NFIB: variants seen among roughly 807,000 people sequenced by gnomAD.
NFIB encodes the protein nuclear factor 1 B-type.
NFIB carries 11 observed loss-of-function variants against 61.5 expected under a neutral mutation model. That is an observed-to-expected ratio of 0.18 (90% CI 0.11 to 0.30). The LOEUF (loss-of-function observed/expected upper bound fraction) is 0.30, where lower values mean the gene tolerates loss of function less well. NFIB is among the 10% of genes least tolerant of loss of function. The pLI is 1.00. For missense variants in NFIB, 471 were observed against 608.9 expected (o/e 0.77, Z 2.38); for synonymous variants, 260 against 216.5 (o/e 1.20, Z -1.76).
the NFIB span, among the ~76,000 whole-genome samples, chr9:14,477,448 G>A: frequency 1.3e-5 from 2 of 152,230 alleles, no homozygotes; most frequent in South Asian, 2.1e-4. Flanking sequence ...CAAATAATGA[G>A]ATTGGCCTAA....
chr9:14,440,508 T>C, the NFIB span, among the ~76,000 whole-genome samples: 3 of 152,338 alleles, frequency 2.0e-5, no homozygotes, highest in Admixed American at 2.0e-4. Context: ...TTCAACCTTC[T>C]CAATGAATGT....
At chr9:14,347,641 A>C (rs529694009) in intron 1 of NFIB, among the ~76,000 whole-genome samples, 2 of 151,936 alleles carry the variant, frequency 1.3e-5, no homozygotes, top group Admixed American at 6.6e-5. Context: ...TTGAAGATCC[A>C]AGTCTCTTCG....
At chr9:14,472,701 C>T in the NFIB span, among the ~76,000 whole-genome samples, 1 of 151,874 alleles carries the variant, frequency 6.6e-6, no homozygotes, top group Non-Finnish European at 1.5e-5. Context: ...ATTAGCCGGG[C>T]GTCGTGGCGG....
chr9:14,431,772 G>T, the NFIB span, among the ~76,000 whole-genome samples: 2 of 151,986 alleles, frequency 1.3e-5, no homozygotes, highest in African/African-American at 2.4e-5. Flanking sequence ...GGCCTCTCTT[G>T]GTGAGACAGA....
At chr9:14,112,847 T>C (rs975006166) in intron 10 of NFIB, among the ~76,000 whole-genome samples, 152 bp downstream of exon 10, 1 of 152,074 alleles carries the variant, frequency 6.6e-6, no homozygotes, top group African/African-American at 2.4e-5. Flanking sequence ...AAACAAAGGA[T>C]CAATGAGAAA....
At chr9:14,369,849 C>T (rs891307251) in intron 1 of NFIB, among the ~76,000 whole-genome samples, 1 of 152,102 alleles carries the variant, frequency 6.6e-6, no homozygotes, top group Non-Finnish European at 1.5e-5. Flanking sequence ...ACTTTCAGTC[C>T]CTTCCATCAC....
chr9:14,499,456 C>T, the NFIB span, among the ~76,000 whole-genome samples: 57 of 152,104 alleles, frequency 3.7e-4, no homozygotes, highest in African/African-American at 1.3e-3. Context: ...TTAGCTTGGG[C>T]CCAGTAGGTT....
chr9:14,428,002 C>T, the NFIB span, among the ~76,000 whole-genome samples: 4 of 115,894 alleles, frequency 3.5e-5, no homozygotes, highest in East Asian at 5.9e-4. Context: ...CAGAATACAG[C>T]GGTGTGATCA....
intron 2 of NFIB, among the ~76,000 whole-genome samples, chr9:14,230,048 GC>G (rs1273369829): frequency 1.3e-5 from 2 of 152,154 alleles, no homozygotes; most frequent in African/African-American, 4.8e-5. Flanking sequence ...CAGGTGATCA[GC>G]CCGCCTTAGC....
Position 14,187,139 on chromosome 9 carries a change from T to C in NFIB, c.563-7359A>G, listed in dbSNP as rs118139138. On this transcript the variant is annotated intron_variant, in intron 2 of 10. Transcript: ENST00000380953. The stretch of plus-strand genomic sequence containing the variant: ...CTCTCTGTCTCTTTTCAATAGGGCA[T>C]TAAATTATTTGGAGTCCACTTCACT... Among the ~76,000 whole-genome samples, 11 of 151,288 alleles carry C rather than the reference T, an allele frequency of 7.3e-5. No individual in the cohort carries two copies. In the East Asian group the frequency reaches 2.2e-3, roughly 30 times the overall value.
At chr9:14,290,135 T>TA (rs1007753426) in intron 2 of NFIB, among the ~76,000 whole-genome samples, 46 of 152,196 alleles carry the variant, frequency 3.0e-4, no homozygotes, top group African/African-American at 1.1e-3. Context: ...CTTTGTACTC[T>TA]AGGGAAGGTT....
At chr9:14,267,952 G>C (rs1327906633) in intron 2 of NFIB, among the ~76,000 whole-genome samples, 1 of 152,198 alleles carries the variant, frequency 6.6e-6, no homozygotes, top group South Asian at 2.1e-4. Context: ...GGCCAACATG[G>C]TGAAACCCCA....
Position 14,082,954 on chromosome 9 carries a change from T to C in NFIB, c.*5355A>G, listed in dbSNP as rs971350113. The stretch of plus-strand genomic sequence containing the variant: ...AGGCCACCTGTTGTTCCTGGTACTG[T>C]ATCATGCAATAAGTCATCAAGGGCT... On this transcript the variant is annotated 3_prime_UTR_variant, in exon 11 of 11. Transcript: ENST00000380953. The C allele has an allele frequency of 4.8e-6, 1 of 206,834 alleles. No homozygotes were observed. The highest frequency in any genetic ancestry group is 9.9e-6 in the Non-Finnish European group (1 of 101,158). 12.8% of individuals were successfully genotyped at this position (206,834 alleles called of 1,614,324 possible).
intron 6 of NFIB, among the ~76,000 whole-genome samples, chr9:14,132,068 C>T (rs1424345222): frequency 6.6e-6 from 1 of 152,132 alleles, no homozygotes; most frequent in East Asian, 1.9e-4. Flanking sequence ...CCTATAGTAA[C>T]ACAATTTTTA....
rs549492577 is a variant in NFIB at position 14,210,816 on chromosome 9, C to T, written c.563-31036G>A. On this transcript the variant is annotated intron_variant, in intron 2 of 10. Coordinates refer to ENST00000380953, the MANE Select transcript of NFIB (RefSeq NM_001190737.2). ...AACTTTCAAATGTAAACATTCATCA[C>T]TGAGTCCTAAAAAAACTTCCCATTT... Among the ~76,000 whole-genome samples the T allele has an allele frequency of 1.1e-4, 16 of 152,248 alleles. No homozygotes were observed. In the South Asian group the frequency reaches 3.1e-3, roughly 30 times the overall value.
At chr9:14,115,502 C>T (rs547709097) in intron 9 of NFIB, among the ~76,000 whole-genome samples, 73 of 152,204 alleles carry the variant, frequency 4.8e-4, no homozygotes, top group African/African-American at 1.6e-3. Flanking sequence ...AATGATGCGG[C>T]TTATTGGTAC....
chr9:14,474,767 T>C, the NFIB span, among the ~76,000 whole-genome samples: 755 of 152,306 alleles, frequency 5.0e-3, 9 homozygotes, highest in African/African-American at 0.017. Flanking sequence ...AAGACAGGAC[T>C]GACAGTCAAA....
At chr9:14,152,260 T>C (rs979933847) in intron 4 of NFIB, among the ~76,000 whole-genome samples, 9 of 152,138 alleles carry the variant, frequency 5.9e-5, no homozygotes, top group African/African-American at 2.2e-4. Context: ...CAGAAAATAC[T>C]TGTATCCAAT....
chr9:14,277,903 G>A (rs906897612), intron 2 of NFIB, among the ~76,000 whole-genome samples: 1 of 152,146 alleles, frequency 6.6e-6, no homozygotes, highest in African/African-American at 2.4e-5. Flanking sequence ...TCTGTTTCTC[G>A]TGACTTGAAA....
Sources: allele counts gnomAD v4.1 joint callset (sites outside exome capture counted in the v4.1 genomes callset), GRCh38; gene constraint gnomAD v4.1.1; transcripts MANE v1.5; gene names NCBI Gene and HGNC (gene_info 2026-07-23, HGNC 2026-07-21).